Variants in PKD1 observed in about 807,000 individuals in gnomAD.
PKD1 encodes polycystin-1.
A neutral mutation model predicts 361.7 loss-of-function variants in PKD1; 81 were observed. The ratio of observed to expected loss-of-function variants is 0.22; its 90% CI spans 0.19 to 0.27. The LOEUF (loss-of-function observed/expected upper bound fraction) is 0.27, where lower values mean the gene tolerates loss of function less well. Among genes scored for constraint, PKD1 ranks in the 10% least tolerant of loss-of-function variants. The pLI is 1.00. For missense variants in PKD1, 6,399 were observed against 6,118.3 expected, an observed-to-expected ratio of 1.05 and a Z score of -1.53; for synonymous variants, 3,615 against 2,818.3, an observed-to-expected ratio of 1.28 and a Z score of -8.95.
In PKD1 at chr16:2,106,513, C is replaced by G. The variant is rs772731289; in HGVS notation, c.7374G>C (p.Glu2458Asp). The G allele has an allele frequency of 1.3e-6, 2 of 1,595,576 alleles. No homozygotes were observed. Among genetic ancestry groups the G allele is most frequent in the Admixed American group, 1.7e-5 (1 of 59,890 alleles). Residue 2458 changes from glutamate to aspartate, a missense_variant, in exon 18 of 46, where the codon GAG (glutamate) becomes GAC (aspartate). Glu to Asp is a conservative substitution (Grantham distance 45). Transcript: ENST00000262304. This position sits in a 1 kb window ranked among gnomAD's most constrained non-coding sequence, Gnocchi z 6.5. ...LTVLGRSGEE[E>D]GCASIRLSPN... is the part of the protein sequence containing the mutation. ...GGGACAGGCGGATGGAGGCGCAGCC[C>G]TCCTCCTCGCCAGAGCGGCCCAGCA...
rs1294591241 is a variant in PKD1, at chr16:2,088,879, G to GCGCACA, written c.*842_*847dup. On this transcript the variant is annotated 3_prime_UTR_variant, in exon 46 of 46. Coordinates refer to ENST00000262304, the MANE Select transcript of PKD1 (RefSeq NM_001009944.3). ...ATACAGCACACTCGCGCGTGCGCGC[G>GCGCACA]CGCACACACACACACACACAGTCAC... 6.4e-6 allele frequency: 3 copies of GCGCACA among 469,710 alleles called. No individual in the cohort carries two copies. The highest frequency in any genetic ancestry group is 2.1e-5 in the South Asian group (1 of 47,404). 29.1% of individuals were successfully genotyped at this position (469,710 alleles called of 1,614,324 possible).
rs1365893354 is a variant in PKD1 at position 2,109,452 on chromosome 16, G to C, written c.5715C>G (p.Val1905=). 13 of 1,607,016 alleles carry C rather than the reference G, an allele frequency of 8.1e-6. No individual in the cohort carries two copies. Among genetic ancestry groups the C allele is most frequent in the Non-Finnish European group, 1.1e-5 (13 of 1,179,546 alleles). ...SSKVVAPGQL[V]HFQILLAAGS... is the part of the protein sequence containing the mutation. Reference sequence around the variant, plus strand: ...CGGCAGCCAGCAGGATCTGAAAATGGACCAGCTGCCCGGGCGCCACCACCT... The same window carrying C: ...CGGCAGCCAGCAGGATCTGAAAATGCACCAGCTGCCCGGGCGCCACCACCT... The change falls in exon 15 of 46, where the codon GTC becomes GTG. Residue 1905 remains valine (V), a synonymous_variant. Transcript: ENST00000262304.
chr16:2,113,390 G>A (rs1422592577), intron 11 of PKD1, 98 bp from the exon 12 acceptor site: 18 of 1,188,950 alleles, frequency 1.5e-5, no homozygotes, highest in South Asian at 1.5e-4. Context: ...AGAGTCCCAC[G>A]CGGGGCACAG....
intron 21 of PKD1, 102 bp downstream of exon 21, chr16:2,105,220 G>A: frequency 1.1e-5 from 13 of 1,134,010 alleles, no homozygotes; most frequent in Non-Finnish European, 1.5e-5. Context: ...AGCCCAGGCT[G>A]GAGGCTCAGC....
At chr16:2,125,285 G>A (rs2092782054) in intron 1 of PKD1, among the ~76,000 whole-genome samples, 2 of 152,204 alleles carry the variant, frequency 1.3e-5, no homozygotes, top group East Asian at 1.9e-4. Context: ...GGGCCAGGGA[G>A]GCCGGCCACA....
rs766235016 is a variant in PKD1, at chr16:2,110,337, G to A, written c.4830C>T (p.Ile1610=). ...AGCCCACCTCGTTCTCAGCCGTGAC[G>A]ATGATATTGAAGGTGCCCACGGAGC... ...TFRSVGTFNI[I]VTAENEVGSA... Residue 1610 remains isoleucine (I), a synonymous_variant, in exon 15 of 46, where the codon ATC becomes ATT. Coordinates refer to ENST00000262304, the MANE Select transcript of PKD1 (RefSeq NM_001009944.3). 50 of 1,612,520 alleles carry A rather than the reference G, an allele frequency of 3.1e-5. No individual in the cohort carries two copies. The highest frequency in any genetic ancestry group is 1.5e-4 in the African/African-American group (11 of 74,920).
rs773475991 is a variant in PKD1 at position 2,109,464 on chromosome 16, G to A, written c.5703C>T (p.Pro1901=). ...GGATCTGAAAATGGACCAGCTGCCC[G>A]GGCGCCACCACCTTGCTGCTGGCCC... is the stretch of plus-strand genomic sequence containing the variant. ...VLWASSKVVA[P]GQLVHFQILL... is the part of the protein sequence containing the mutation. The change falls in exon 15 of 46, where the codon CCC becomes CCT. Residue 1901 remains proline (P), a synonymous_variant. Coordinates refer to ENST00000262304, the MANE Select transcript of PKD1 (RefSeq NM_001009944.3). 33 of 1,608,020 alleles carry A rather than the reference G, an allele frequency of 2.1e-5. No homozygotes were observed. The highest frequency in any genetic ancestry group is 6.6e-5 in the South Asian group (6 of 90,860).
chr16:2,111,574 C>T lies in PKD1; in HGVS notation c.3593G>A (p.Ser1198Asn), dbSNP rs2092506784. Residue 1198 changes from serine to asparagine, a missense_variant, in exon 15 of 46, where the codon AGC becomes AAC. Coordinates refer to ENST00000262304, the MANE Select transcript of PKD1 (RefSeq NM_001009944.3). ...HVRLEVNNTV[S>N]GAAAQADVRV... is the part of the protein sequence containing the mutation. ...CACATCCGCCTGGGCCGCCGCACCG[C>T]TCACCGTGTTGTTGACCTCCAGGCG... 2.5e-6 allele frequency: 4 copies of T among 1,577,504 alleles called. No homozygotes were observed. The Admixed American group carries it at 5.5e-5, about 22-fold the overall frequency.
rs762207724 is a variant in PKD1 at position 2,090,395 on chromosome 16, C to T, written c.12334G>A (p.Ala4112Thr). The T allele has an allele frequency of 2.5e-6, 4 of 1,612,568 alleles. No individual in the cohort carries two copies. Among genetic ancestry groups the T allele is most frequent in the Admixed American group, 1.7e-5 (1 of 60,000 alleles). The part of the protein sequence containing the change: ...GAVILRWRYH[A>T]LRGELYRPAW... ...GGCCGGTACAGCTCTCCACGCAAGG[C>T]GTGGTAGCGCCAGCGGAGAATAACA... Residue 4112 changes from alanine (A) to threonine (T), a missense_variant, in exon 45 of 46, where the codon GCC becomes ACC. Ala to Thr is a moderately conservative substitution (Grantham distance 58). Transcript: ENST00000262304.
At position 2,089,597 on chromosome 16, in the gene PKD1, T is replaced by G. The variant is rs1256725407; in HGVS notation, c.*130A>C. 2.6e-6 allele frequency: 3 copies of G among 1,146,908 alleles called. No homozygotes were observed. Among genetic ancestry groups the G allele is most frequent in the Non-Finnish European group, 1.2e-6 (1 of 802,652 alleles). The allele number at this position is 1,146,908 out of a possible 1,614,324, so 71.0% of individuals were successfully genotyped here. On this transcript the variant is annotated 3_prime_UTR_variant, in exon 46 of 46. Coordinates refer to ENST00000262304, the MANE Select transcript of PKD1 (RefSeq NM_001009944.3). ...GTGCTGAAGCCCACAGACAGACAGA[T>G]GCCCCTGCCTGCTCTCTGGGGAACC...
intron 30 of PKD1, chr16:2,099,365 T>C: frequency 2.1e-6 from 1 of 483,194 alleles, no homozygotes; most frequent in South Asian, 2.0e-5. Context: ...CACAGCCGCG[T>C]GCTTGCTTCT....
At position 2,117,684 on chromosome 16, in the gene PKD1, T is replaced by G. The variant is rs2092662870; in HGVS notation, c.1202-12A>C. 2 of 1,604,966 alleles carry G rather than the reference T, an allele frequency of 1.2e-6. No homozygotes were observed. The highest frequency in any genetic ancestry group is 2.7e-5 in the African/African-American group (2 of 74,538). On this transcript the variant is annotated splice_polypyrimidine_tract_variant and intron_variant, in intron 5 of 45. Coordinates refer to ENST00000262304, the MANE Select transcript of PKD1 (RefSeq NM_001009944.3). ...GAGCGGGTGCACCGCTGGAGACCGG[T>G]GGGAACGAGGGTGTCAACGGTCAGT...
At position 2,111,782 on chromosome 16, in the gene PKD1, C is replaced by T. The variant is rs561454306; in HGVS notation, c.3385G>A (p.Val1129Met). ...PVSVRASLPS[V>M]AVGVSDGVLV... ...ACGCCGTCACTCACACCCACAGCCA[C>T]GGAGGGCAGGGAGGCGCGCACGCTC... The change falls in exon 15 of 46, where the codon GTG becomes ATG. Residue 1129 changes from valine to methionine, a missense_variant. Transcript: ENST00000262304. 12 of 1,608,304 alleles carry T rather than the reference C, an allele frequency of 7.5e-6. No homozygotes were observed. Among genetic ancestry groups the T allele is most frequent in the Admixed American group, 5.0e-5 (3 of 59,684 alleles).
At chr16:2,092,839 C>A in intron 38 of PKD1, 115 bp downstream of exon 38, 3 of 1,305,062 alleles carry the variant, frequency 2.3e-6, no homozygotes, top group Admixed American at 3.4e-5. Flanking sequence ...GCACCTACCT[C>A]CAGTTCTAGC....
Position 2,091,594 on chromosome 16 carries a change from GC to G in PKD1, c.11540del (p.Ser3847ThrfsTer98). ...LQLHNWLDNRSRAVFLELTRY... is the reference protein window; with the variant it reads ...LQLHNWLDNRXRAVFLELTRY... ...GCGTGAGCTCCAGGAACACAGCGCGGCTCCTGCGCAGAGGGTGCGGGTCAGT... is the reference window on the plus strand; with the variant it reads ...GCGTGAGCTCCAGGAACACAGCGCGGTCCTGCGCAGAGGGTGCGGGTCAGT... On this transcript the variant is annotated frameshift_variant and splice_region_variant, in exon 42 of 46. Transcript: ENST00000262304. LOFTEE classifies it high-confidence loss of function. The G allele has an allele frequency of 6.4e-7, 1 of 1,557,656 alleles. No individual in the cohort carries two copies. The highest frequency in any genetic ancestry group is 8.6e-7 in the Non-Finnish European group (1 of 1,160,368).
chr16:2,131,125 C>G (rs2092872205), intron 1 of PKD1, among the ~76,000 whole-genome samples: 1 of 152,154 alleles, frequency 6.6e-6, no homozygotes, highest in Admixed American at 6.5e-5. Context: ...GAGGTGGCAC[C>G]CCCAAGACAC....
intron 1 of PKD1, among the ~76,000 whole-genome samples, chr16:2,127,853 C>G (rs2092818516): frequency 6.7e-6 from 1 of 148,410 alleles, no homozygotes; most frequent in African/African-American, 2.5e-5. Flanking sequence ...CAGCCTCCTT[C>G]CTGAAACTGA....
rs540366995 is a variant in PKD1 at position 2,118,041 on chromosome 16, A to G, written c.951T>C (p.Ala317=). The G allele has an allele frequency of 5.2e-5, 84 of 1,602,714 alleles. No homozygotes were observed. The African/African-American group carries it at 9.2e-4, about 18-fold the overall frequency. ...FGDGSAEVDA[A]GPAASHRYVL... ...CATAGCGATGCGAGGCAGCCGGCCCAGCGGCATCCACCTCGGCGGAGCCGT... is the reference window on the plus strand; with the variant it reads ...CATAGCGATGCGAGGCAGCCGGCCCGGCGGCATCCACCTCGGCGGAGCCGT... The change falls in exon 5 of 46, where the codon GCT becomes GCC. Residue 317 remains alanine, a synonymous_variant. Transcript: ENST00000262304. This position sits in a 1 kb window ranked among gnomAD's most constrained non-coding sequence, Gnocchi z 6.0.
rs2091279132 is a variant in PKD1, at chr16:2,088,884, CA to C, written c.*842del. ...GCACACTCGCGCGTGCGCGCGCGCACACACACACACACACAGTCACCTTCCT... is the reference window on the plus strand; with the variant it reads ...GCACACTCGCGCGTGCGCGCGCGCACCACACACACACACAGTCACCTTCCT... On this transcript the variant is annotated 3_prime_UTR_variant, in exon 46 of 46. Coordinates refer to ENST00000262304, the MANE Select transcript of PKD1 (RefSeq NM_001009944.3). 3.0e-6 allele frequency: 1 copy of C among 328,134 alleles called. No individual in the cohort carries two copies. The highest frequency in any genetic ancestry group is 2.7e-5 in the African/African-American group (1 of 37,704). The allele number at this position is 328,134 out of a possible 1,614,324, so 20.3% of individuals were successfully genotyped here.
Sources: allele counts gnomAD v4.1 joint callset (sites outside exome capture counted in the v4.1 genomes callset), GRCh38; gene constraint gnomAD v4.1.1; non-coding constraint Gnocchi (gnomAD v3.1); transcripts MANE v1.5; gene names NCBI Gene and HGNC (gene_info 2026-07-23, HGNC 2026-07-21).